ASH2L: variants seen among roughly 807,000 people sequenced by gnomAD.
ASH2L encodes ASH2 like, histone lysine methyltransferase complex subunit.
A neutral mutation model predicts 81.1 loss-of-function variants in ASH2L; 30 were observed. That is an observed-to-expected ratio of 0.37 (90% CI 0.28 to 0.50). The LOEUF (loss-of-function observed/expected upper bound fraction) is 0.50, where lower values mean the gene tolerates loss of function less well. Ranked by LOEUF, ASH2L falls within the 20% of genes least tolerant of loss-of-function variation. ASH2L has a pLI of 0.95. For missense variants in ASH2L, 559 were observed against 792.1 expected (o/e 0.71, Z 3.53); for synonymous variants, 273 against 279.9 (o/e 0.98, Z 0.24).
At chr8:38,121,892 G>A (rs12114838) in intron 10 of ASH2L, among the ~76,000 whole-genome samples, 1,799 of 152,152 alleles carry the variant, frequency 0.012, 50 homozygotes, top group African/African-American at 0.041. Flanking sequence ...AAAAACTACC[G>A]TCTTTCCCTT....
intron 13 of ASH2L, 100 bp downstream of exon 13, chr8:38,133,646 G>C: frequency 1.1e-6 from 1 of 944,464 alleles, no homozygotes. Flanking sequence ...AAAGGGGAAT[G>C]AAGGGGCATC....
intron 3 of ASH2L, among the ~76,000 whole-genome samples, chr8:38,107,776 A>T (rs1199403548): frequency 6.6e-6 from 1 of 151,982 alleles, no homozygotes; most frequent in Non-Finnish European, 1.5e-5. Flanking sequence ...GGTTTGTATT[A>T]TGCTAATACA....
chr8:38,133,681 A>C, intron 13 of ASH2L, 135 bp downstream of exon 13: 2 of 651,542 alleles, frequency 3.1e-6, no homozygotes, highest in Middle Eastern at 6.0e-4. Flanking sequence ...GCCAGCGGCA[A>C]GCTCACCCTC....
At position 38,131,398 on chromosome 8, in the gene ASH2L, G is replaced by T. The variant is rs561151069; in HGVS notation, c.1528-2056G>T. The stretch of plus-strand genomic sequence containing the variant: ...TTTTGACCAGACACTGTGGCTCCAT[G>T]CTTGGGAGGCCAAAGCAGGCAAATC... On this transcript the variant is annotated intron_variant, in intron 12 of 15. Coordinates refer to ENST00000343823, the MANE Select transcript of ASH2L (RefSeq NM_004674.5). Among the ~76,000 whole-genome samples the T allele has an allele frequency of 9.5e-4, 144 of 151,714 alleles. 1 individual carries two copies. The Middle Eastern group carries it at 0.01, about 11-fold the overall frequency.
intron 3 of ASH2L, among the ~76,000 whole-genome samples, chr8:38,109,828 CT>C (rs532677062): frequency 4.4e-4 from 67 of 152,294 alleles, no homozygotes; most frequent in African/African-American, 1.3e-3. Context: ...CCTTAGACTA[CT>C]TTGTCCTCTT....
chr8:38,133,042 A>T (rs1400254552), intron 12 of ASH2L, among the ~76,000 whole-genome samples: 3 of 151,936 alleles, frequency 2.0e-5, no homozygotes. Flanking sequence ...AGAAGAGATC[A>T]CACCATTGCA....
In ASH2L at chr8:38,120,961, C is replaced by T. The variant is rs1405684056; in HGVS notation, c.977C>T (p.Pro326Leu). The T allele has an allele frequency of 1.2e-6, 2 of 1,613,162 alleles. No homozygotes were observed. Among genetic ancestry groups the T allele is most frequent in the African/African-American group, 2.7e-5 (2 of 74,636 alleles). Residue 326 changes from proline to leucine, a missense_variant, in exon 10 of 16, where the codon CCC becomes CTC. Pro to Leu is a moderately conservative substitution (Grantham distance 98). Transcript: ENST00000343823. ...SDPLFSAQRL[P>L]PHGYPLEHPF... ...CCTTTGTTTTCTGCTCAGCGCCTTC[C>T]CCCTCATGGCTACCCATTGGAACAC... is the stretch of plus-strand genomic sequence containing the variant.
intron 12 of ASH2L, 128 bp downstream of exon 12, chr8:38,129,079 A>G: frequency 7.4e-7 from 1 of 1,350,718 alleles, no homozygotes; most frequent in East Asian, 2.4e-5. Context: ...TGTTGCTATG[A>G]CATTTTCAGA....
chr8:38,128,243 A>G (rs1585598431), intron 10 of ASH2L, 48 bp from the exon 11 acceptor site: 2 of 1,608,574 alleles, frequency 1.2e-6, no homozygotes, highest in Non-Finnish European at 1.7e-6. Context: ...ATTGTCCCCA[A>G]GAACCTCAAA....
At chr8:38,106,054 A>G (rs2130459281) in intron 1 of ASH2L, 1 of 1,525,624 alleles carries the variant, frequency 6.6e-7, no homozygotes, top group Middle Eastern at 1.7e-4. Context: ...TTGCAGTGCC[A>G]GACTGGAAGA....
chr8:38,115,096 C>CACTG, intron 7 of ASH2L, 96 bp downstream of exon 7: 2 of 791,002 alleles, frequency 2.5e-6, no homozygotes, highest in Non-Finnish European at 4.4e-6. Flanking sequence ...CCACATAACA[C>CACTG]ACTGCCATTA....
In ASH2L at chr8:38,121,033, C is replaced by G; in HGVS notation, c.1049C>G (p.Pro350Arg). The G allele has an allele frequency of 6.2e-7, 1 of 1,613,694 alleles. No individual in the cohort carries two copies. The highest frequency in any genetic ancestry group is 8.5e-7 in the Non-Finnish European group (1 of 1,179,920). Reference protein sequence around the residue: ...GYRYILAEPDPHAPDPEKLEL... With the variant: ...GYRYILAEPDRHAPDPEKLEL... ...CGGTATATTCTAGCTGAGCCTGATC[C>G]GCACGCCCCTGACCCCGAGAAGCTG... Residue 350 changes from proline (P) to arginine (R), a missense_variant, in exon 10 of 16, where the codon CCG becomes CGG. Transcript: ENST00000343823.
chr8:38,126,856 A>AAAAAAAAAAAAG (rs1261533768), intron 10 of ASH2L, among the ~76,000 whole-genome samples: 1 of 151,062 alleles, frequency 6.6e-6, no homozygotes, highest in Admixed American at 6.6e-5. Flanking sequence ...TCTGTCTCAA[A>AAAAAAAAAAAAG]AAAGAAAGAA....
intron 7 of ASH2L, among the ~76,000 whole-genome samples, chr8:38,116,087 G>T (rs1563252865): frequency 6.6e-6 from 1 of 152,150 alleles, no homozygotes. Context: ...ATTAGGCCAG[G>T]CATGGTGGCT....
intron 8 of ASH2L, chr8:38,117,538 T>A: frequency 1.1e-6 from 1 of 909,256 alleles, no homozygotes; most frequent in Non-Finnish European, 1.3e-6. Context: ...AAATGCTTTT[T>A]GCTGAGCTAT....
chr8:38,114,327 A>G (rs201064973), intron 6 of ASH2L, 40 bp downstream of exon 6: 5 of 1,295,272 alleles, frequency 3.9e-6, no homozygotes, highest in South Asian at 1.3e-5. Context: ...CATTTAAAAA[A>G]CCATTGTTTT....
At chr8:38,136,873 T>C (rs574054159) in intron 14 of ASH2L, among the ~76,000 whole-genome samples, 1 of 149,692 alleles carries the variant, frequency 6.7e-6, no homozygotes, top group East Asian at 2.0e-4. Context: ...AGGCAGACCA[T>C]TTGAGGTCAG....
Position 38,139,117 on chromosome 8 carries a change from G to C in ASH2L, c.*46G>C, listed in dbSNP as rs1294720791. 2 of 1,418,208 alleles carry C rather than the reference G, an allele frequency of 1.4e-6. No individual in the cohort carries two copies. The highest frequency in any genetic ancestry group is 2.6e-5 in the South Asian group (2 of 75,664). The allele number at this position is 1,418,208 out of a possible 1,614,324, so 87.9% of individuals were successfully genotyped here. A position where few individuals can be genotyped will look rare whatever the true frequency, so the allele number is the denominator to read the frequency against. On this transcript the variant is annotated 3_prime_UTR_variant, in exon 16 of 16. Coordinates refer to ENST00000343823, the MANE Select transcript of ASH2L (RefSeq NM_004674.5). ...AAGGACTTTCTGGGAATAATACTGGGGGTTTTGTTTTTGTTTTTGAACTGT... is the reference window on the plus strand; with the variant it reads ...AAGGACTTTCTGGGAATAATACTGGCGGTTTTGTTTTTGTTTTTGAACTGT...
chr8:38,139,254 C>A lies in ASH2L; in HGVS notation c.*183C>A. 1 of 555,342 alleles carries A rather than the reference C, an allele frequency of 1.8e-6. No individual in the cohort carries two copies. The highest frequency in any genetic ancestry group is 2.6e-5 in the South Asian group (1 of 38,226). The allele number at this position is 555,342 out of a possible 1,614,324, so 34.4% of individuals were successfully genotyped here. A position where few individuals can be genotyped will look rare whatever the true frequency, so the allele number is the denominator to read the frequency against. ...CCTTTCACCATTTTCTCCCCACTTCCAGTGACTGCTCTTATTTTGTGTACC... is the reference window on the plus strand; with the variant it reads ...CCTTTCACCATTTTCTCCCCACTTCAAGTGACTGCTCTTATTTTGTGTACC... On this transcript the variant is annotated 3_prime_UTR_variant, in exon 16 of 16. Transcript: ENST00000343823.
Sources: allele counts gnomAD v4.1 joint callset (sites outside exome capture counted in the v4.1 genomes callset), GRCh38; gene constraint gnomAD v4.1.1; transcripts MANE v1.5; gene names NCBI Gene and HGNC (gene_info 2026-07-23, HGNC 2026-07-21).